EVC: variants seen among roughly 807,000 people sequenced by gnomAD.
EVC encodes evC complex member EVC.
Under a neutral mutation model 118.9 loss-of-function variants are expected in EVC, and 116 were observed. That is an observed-to-expected ratio of 0.98 (90% CI 0.84 to 1.14). The LOEUF (loss-of-function observed/expected upper bound fraction) is 1.14. Among genes scored for constraint, EVC ranks in the 50% most tolerant of loss-of-function variants. EVC has a pLI of 0.00. For synonymous variants in EVC, 619 were observed against 534.7 expected, an observed-to-expected ratio of 1.16 and a Z score of -2.18; for missense variants, 1,401 against 1,246.4, an observed-to-expected ratio of 1.12 and a Z score of -1.87.
chr4:5,821,652 TCC>T, the EVC span: 12 of 1,024,694 alleles, frequency 1.2e-5, no homozygotes, highest in African/African-American at 1.6e-5. The surrounding 1 kb of genome is among the most constrained non-coding windows in gnomAD (Gnocchi z 4.4). Context: ...GACTTCCCCC[TCC>T]CTCCATCAGC....
chr4:5,794,263 A>T (rs1279303727), intron 13 of EVC, among the ~76,000 whole-genome samples: 1 of 122,534 alleles, frequency 8.2e-6, no homozygotes. Context: ...ATATGTATTT[A>T]TATATTTATA....
chr4:5,799,427 C>T (rs1424967322), intron 15 of EVC, among the ~76,000 whole-genome samples: 2 of 152,206 alleles, frequency 1.3e-5, no homozygotes, highest in East Asian at 1.9e-4. Context: ...GATCATTTTT[C>T]TTCCCGTTGG....
rs772327981 is a variant in EVC at position 5,809,599 on chromosome 4, C to T, written c.2770C>T (p.Arg924Cys). 25 of 1,613,986 alleles carry T rather than the reference C, an allele frequency of 1.5e-5. No individual in the cohort carries two copies. Among genetic ancestry groups the T allele is most frequent in the Non-Finnish European group, 1.9e-5 (23 of 1,180,004 alleles). ...TGAAAGCAAACTGTTGCCTGCTAAG[C>T]GTGGGCTGCTAGGTGAGTCACAGAT... ...LAESKLLPAK[R>C]GLLEKPLRTK... Residue 924 changes from arginine to cysteine, a missense_variant, in exon 19 of 21, where the codon CGT (arginine) becomes TGT (cysteine). Coordinates refer to ENST00000264956, the MANE Select transcript of EVC (RefSeq NM_153717.3).
the EVC span, chr4:5,825,948 A>C: frequency 4.4e-6 from 2 of 457,092 alleles, no homozygotes; most frequent in Non-Finnish European, 7.7e-6. The surrounding 1 kb of genome is among the most constrained non-coding windows in gnomAD (Gnocchi z 4.4). Flanking sequence ...TCATGCACAC[A>C]TATATGCATG....
chr4:5,740,430 C>T (rs187380747), intron 5 of EVC, among the ~76,000 whole-genome samples: 3 of 146,364 alleles, frequency 2.0e-5, no homozygotes, highest in Admixed American at 1.4e-4. Context: ...AAGATTGCAC[C>T]ACTGCACTCT....
In EVC at chr4:5,798,658, C is replaced by A; in HGVS notation, c.2170C>A (p.Arg724=). ...AQQTRLQLQQ[R]LLAEAQEVGQ... ...GCAGACACGGCTGCAGCTCCAGCAG[C>A]GGCTCCTGGCCGAGGCCCAGGAGGT... Residue 724 remains arginine (R), a synonymous_variant, in exon 15 of 21, where the codon CGG becomes AGG. Coordinates refer to ENST00000264956, the MANE Select transcript of EVC (RefSeq NM_153717.3). The surrounding 1 kb of genome is among the most constrained non-coding windows in gnomAD (Gnocchi z 4.1). 6.3e-7 allele frequency: 1 copy of A among 1,592,910 alleles called. No homozygotes were observed.
chr4:5,825,748 GA>G, the EVC span: 1 of 1,363,530 alleles, frequency 7.3e-7, no homozygotes, highest in East Asian at 2.4e-5. The surrounding 1 kb of genome is among the most constrained non-coding windows in gnomAD (Gnocchi z 4.4). Context: ...GGGCGAGAGA[GA>G]AACCTGAGGT....
intron 12 of EVC, among the ~76,000 whole-genome samples, chr4:5,784,972 C>T (rs1353474518): frequency 7.2e-5 from 11 of 152,194 alleles, no homozygotes; most frequent in Admixed American, 2.0e-4. Flanking sequence ...CCAAATTCAA[C>T]ATCCACCAAG....
At chr4:5,723,112 T>A (rs980103058) in intron 2 of EVC, among the ~76,000 whole-genome samples, 13 of 152,110 alleles carry the variant, frequency 8.5e-5, no homozygotes, top group Middle Eastern at 3.4e-3. Context: ...GTGTTTCTGA[T>A]GCCCATTTCC....
chr4:5,717,587 C>G (rs1560270831), intron 1 of EVC, among the ~76,000 whole-genome samples: 1 of 152,172 alleles, frequency 6.6e-6, no homozygotes. Flanking sequence ...AACAACCCCC[C>G]AAATCTCTGG....
rs943083259 is a variant in EVC at position 5,808,294 on chromosome 4, C to T, written c.2655C>T (p.Asp885=). The change falls in exon 18 of 21, where the codon GAC becomes GAT. Residue 885 remains aspartate, a synonymous_variant. Transcript: ENST00000264956. ...HAQQQQAGVM[D]LLEAQLETQL... is the part of the protein sequence containing the mutation. ...AGCAGCAGCAGGCAGGAGTCATGGA[C>T]CTTCTGGAAGCCCAGCTGGAGACCC... 23 of 1,614,172 alleles carry T rather than the reference C, an allele frequency of 1.4e-5. No homozygotes were observed. The highest frequency in any genetic ancestry group is 1.9e-5 in the Non-Finnish European group (23 of 1,180,034).
chr4:5,781,093 C>T (rs1161729501), intron 11 of EVC, among the ~76,000 whole-genome samples: 1 of 152,196 alleles, frequency 6.6e-6, no homozygotes, highest in African/African-American at 2.4e-5. Flanking sequence ...GGAAGGAAAG[C>T]AGATGTTCAG....
Position 5,737,037 on chromosome 4 carries a change from T to A in EVC, c.702+3602T>A, listed in dbSNP as rs1439104790. ...CAAGTTGTGAATGCAAAGAAAAAGT[T>A]CTTGAAGGAAATTAAAAGTGCTACG... On this transcript the variant is annotated intron_variant, in intron 5 of 20. Coordinates refer to ENST00000264956, the MANE Select transcript of EVC (RefSeq NM_153717.3). The surrounding 1 kb of genome is among the most constrained non-coding windows in gnomAD (Gnocchi z 5.0). Among the ~76,000 whole-genome samples, 1 of 152,166 alleles carries A rather than the reference T, an allele frequency of 6.6e-6. No homozygotes were observed. Among genetic ancestry groups the A allele is most frequent in the East Asian group, 1.9e-4 (1 of 5,196 alleles).
rs140697525 is a variant in EVC at position 5,719,266 on chromosome 4, C to A, written c.193C>A (p.Leu65Met). 4.3e-6 allele frequency: 7 copies of A among 1,614,016 alleles called. No homozygotes were observed. The African/African-American group carries it at 9.3e-5, about 22-fold the overall frequency. The change falls in exon 2 of 21, where the codon CTG (leucine) becomes ATG (methionine). Residue 65 changes from leucine to methionine, a missense_variant. Coordinates refer to ENST00000264956, the MANE Select transcript of EVC (RefSeq NM_153717.3). The surrounding 1 kb of genome is among the most constrained non-coding windows in gnomAD (Gnocchi z 4.7). ...GTTTTAGAAAGACGACACTCAAAATCTGCTCAAGAATTTGGAGTCTAATGC... is the reference window on the plus strand; with the variant it reads ...GTTTTAGAAAGACGACACTCAAAATATGCTCAAGAATTTGGAGTCTAATGC... ...TRHQKDDTQNLLKNLESNAQT... is the reference protein window; with the variant it reads ...TRHQKDDTQNMLKNLESNAQT...
Position 5,719,408 on chromosome 4 carries a change from C to T in EVC, c.300+35C>T. ...GTGTTGATGTTTGTTTGTGGAGGCA[C>T]ATGTGGGAGGTGGGGTATTCCCCCT... is the stretch of plus-strand genomic sequence containing the variant. On this transcript the variant is annotated intron_variant, in intron 2 of 20. Coordinates refer to ENST00000264956, the MANE Select transcript of EVC (RefSeq NM_153717.3). The surrounding 1 kb of genome is among the most constrained non-coding windows in gnomAD (Gnocchi z 4.7). 6.2e-7 allele frequency: 1 copy of T among 1,613,690 alleles called. No individual in the cohort carries two copies. Among genetic ancestry groups the T allele is most frequent in the Non-Finnish European group, 8.5e-7 (1 of 1,179,906 alleles).
At chr4:5,825,815 TCACA>T in the EVC span, 1 of 693,530 alleles carries the variant, frequency 1.4e-6, no homozygotes, top group Non-Finnish European at 2.4e-6. This position sits in a 1 kb window ranked among gnomAD's most constrained non-coding sequence, Gnocchi z 4.4. Context: ...CAGGTGCACT[TCACA>T]CACATGCAGC....
chr4:5,714,052 C>G (rs6826219), intron 1 of EVC, among the ~76,000 whole-genome samples: 123,066 of 152,208 alleles, frequency 0.81, 50,168 homozygotes, highest in African/African-American at 0.91. Flanking sequence ...CCTCGCTGTT[C>G]CCCGTACACC....
downstream of EVC, among the ~76,000 whole-genome samples, chr4:5,814,930 G>A (rs552626766): frequency 6.6e-6 from 1 of 152,196 alleles, no homozygotes; most frequent in South Asian, 2.1e-4. Flanking sequence ...GAGGTCGGTG[G>A]GGGAGCATAT....
At chr4:5,806,197 A>G (rs1004923746) in intron 17 of EVC, among the ~76,000 whole-genome samples, 1 of 151,750 alleles carries the variant, frequency 6.6e-6, no homozygotes, top group Non-Finnish European at 1.5e-5. Flanking sequence ...CTCTTGCCTC[A>G]GTCTCCCGAG....
Sources: gnomAD v4.1 joint callset for allele counts (sites outside exome capture counted in the v4.1 genomes callset) on GRCh38, gnomAD v4.1.1 for gene constraint, Gnocchi (gnomAD v3.1) non-coding constraint, MANE v1.5 for transcripts, NCBI Gene and HGNC (gene_info 2026-07-23, HGNC 2026-07-21) for gene names.